The following MARCHF3 variants were observed in gnomAD, a reference collection of about 807,000 sequenced individuals.
MARCHF3 encodes E3 ubiquitin-protein ligase MARCHF3.
A neutral mutation model predicts 24.2 loss-of-function variants in MARCHF3; 13 were observed. The observed-to-expected ratio is 0.54, with a 90% CI of 0.35 to 0.85. The LOEUF is 0.85. Among genes scored for constraint, MARCHF3 ranks in the 40% least tolerant of loss-of-function variants. The pLI, the probability that MARCHF3 is intolerant of heterozygous loss-of-function variation, is 0.01. For missense variants in MARCHF3, 276 were observed against 325.0 expected (o/e 0.85, Z 1.16); for synonymous variants, 144 against 137.3 (o/e 1.05, Z -0.34).
rs556798236 is a variant in MARCHF3, at chr5:126,927,392, TGAACCTCTTTAGG to T, written c.-56-9178_-56-9166del. Among the ~76,000 whole-genome samples, 834 of 152,260 alleles carry T rather than the reference TGAACCTCTTTAGG, an allele frequency of 5.5e-3. 3 individuals are homozygous for T. Among genetic ancestry groups the T allele is most frequent in the Non-Finnish European group, 6.7e-3 (459 of 68,020 alleles). On this transcript the variant is annotated intron_variant, in intron 1 of 4. Transcript: ENST00000308660. ...TATGTACCTCAATGCAAAGCACTTATGAACCTCTTTAGGGAACCTCTTTAGGGAACCTCTTTAG... is the reference window on the plus strand; with the variant it reads ...TATGTACCTCAATGCAAAGCACTTATGAACCTCTTTAGGGAACCTCTTTAG...
At chr5:127,016,852 T>C (rs1752650577) in intron 1 of MARCHF3, among the ~76,000 whole-genome samples, 3 of 152,176 alleles carry the variant, frequency 2.0e-5, no homozygotes, top group African/African-American at 4.8e-5. Flanking sequence ...AGAAAGGCAC[T>C]ATTCACCAAC....
rs1416128301 is a variant in MARCHF3 at position 126,892,237 on chromosome 5, G to A, written c.394-13843C>T. On this transcript the variant is annotated intron_variant, in intron 3 of 4. Coordinates refer to ENST00000308660, the MANE Select transcript of MARCHF3 (RefSeq NM_178450.5). Reference sequence around the variant, plus strand: ...TATACAATCATGTCGTCTGCAAACAGGGACAATTTGACTTCCTCTTTTCCT... The same window carrying A: ...TATACAATCATGTCGTCTGCAAACAAGGACAATTTGACTTCCTCTTTTCCT... Among the ~76,000 whole-genome samples, 4 of 144,970 alleles carry A rather than the reference G, an allele frequency of 2.8e-5. No homozygotes were observed. In the Admixed American group the frequency reaches 2.8e-4, roughly 10 times the overall value.
Position 126,868,561 on chromosome 5 carries a change from A to G in MARCHF3, c.*2072T>C, listed in dbSNP as rs1752845994. The G allele has an allele frequency of 6.6e-6, 1 of 152,232 alleles. No individual in the cohort carries two copies. 9.4% of individuals were successfully genotyped at this position (152,232 alleles called of 1,614,324 possible). On this transcript the variant is annotated 3_prime_UTR_variant, in exon 5 of 5. Transcript: ENST00000308660. ...CTTTGATGATGTCATATCTCATCTCATGAACCAAGATGGCAGGAATTCTCT... is the reference window on the plus strand; with the variant it reads ...CTTTGATGATGTCATATCTCATCTCGTGAACCAAGATGGCAGGAATTCTCT...
intron 1 of MARCHF3, among the ~76,000 whole-genome samples, chr5:127,006,478 T>C (rs1214038990): frequency 6.6e-6 from 1 of 152,186 alleles, no homozygotes; most frequent in East Asian, 1.9e-4. Context: ...CAATGTTCTC[T>C]TTAAAATAGT....
At chr5:127,006,984 CTTCT>C (rs1752330572) in intron 1 of MARCHF3, among the ~76,000 whole-genome samples, 1 of 151,616 alleles carries the variant, frequency 6.6e-6, no homozygotes, top group African/African-American at 2.4e-5. Context: ...GAGAAAACTA[CTTCT>C]TTTTTTTTTT....
intron 1 of MARCHF3, among the ~76,000 whole-genome samples, chr5:126,987,934 C>T (rs1051341214): frequency 4.0e-5 from 6 of 149,768 alleles, no homozygotes; most frequent in South Asian, 2.2e-4. Context: ...GAAAAACTGC[C>T]TGGATATAGT....
intron 3 of MARCHF3, among the ~76,000 whole-genome samples, chr5:126,894,462 A>C (rs1440999463): frequency 6.7e-6 from 1 of 150,048 alleles, no homozygotes; most frequent in African/African-American, 2.5e-5. Context: ...TTCCTTCAGG[A>C]GCTCTTTTAG....
chr5:126,921,673 A>G (rs1749112484), intron 1 of MARCHF3, among the ~76,000 whole-genome samples: 1 of 152,238 alleles, frequency 6.6e-6, no homozygotes, highest in Non-Finnish European at 1.5e-5. Flanking sequence ...CTCTTGTGGT[A>G]AAGTACTTCC....
Position 127,018,301 on chromosome 5 carries a change from GT to G in MARCHF3, c.-57+12048del, listed in dbSNP as rs370183391. ...CAGGAGAATCGCTTGAACCCAGGAG[GT>G]GGAGGTTGCAGTGAGCCAAGATCAT... On this transcript the variant is annotated intron_variant, in intron 1 of 4. Transcript: ENST00000308660. 2.9e-4 allele frequency among the ~76,000 whole-genome samples: 44 copies of G among 152,212 alleles called. 1 individual carries two copies. The highest frequency in any genetic ancestry group is 1.0e-3 in the African/African-American group (42 of 41,514).
intron 1 of MARCHF3, among the ~76,000 whole-genome samples, chr5:126,931,915 A>C (rs1219131356): frequency 1.3e-5 from 2 of 152,188 alleles, no homozygotes; most frequent in Non-Finnish European, 2.9e-5. Flanking sequence ...TGAGCGTTGG[A>C]GTTAGATACC....
rs1396090952 is a variant in MARCHF3 at position 126,868,816 on chromosome 5, T to G, written c.*1817A>C. On this transcript the variant is annotated 3_prime_UTR_variant, in exon 5 of 5. Transcript: ENST00000308660. Reference sequence around the variant, plus strand: ...AAGTTGGACTCTTTGCTCTGGAAATTTAATGTGTGGCAGCTGCGTGCAGCC... The same window carrying G: ...AAGTTGGACTCTTTGCTCTGGAAATGTAATGTGTGGCAGCTGCGTGCAGCC... 1 of 152,224 alleles carries G rather than the reference T, an allele frequency of 6.6e-6. No homozygotes were observed. Among genetic ancestry groups the G allele is most frequent in the Non-Finnish European group, 1.5e-5 (1 of 68,064 alleles). The allele number at this position is 152,224 out of a possible 1,614,324, so 9.4% of individuals were successfully genotyped here.
chr5:126,874,784 G>C (rs1432063559), intron 4 of MARCHF3, among the ~76,000 whole-genome samples: 1 of 152,128 alleles, frequency 6.6e-6, no homozygotes, highest in African/African-American at 2.4e-5. Flanking sequence ...GGAGTGAATT[G>C]GTCATGGGGA....
intron 1 of MARCHF3, among the ~76,000 whole-genome samples, chr5:126,934,802 T>C (rs964051997): frequency 1.3e-5 from 2 of 152,076 alleles, no homozygotes; most frequent in South Asian, 4.1e-4. Flanking sequence ...ATTCAGGACA[T>C]GTTGAAAGTG....
chr5:126,873,027 T>G (rs1753026066), intron 4 of MARCHF3, among the ~76,000 whole-genome samples: 1 of 152,158 alleles, frequency 6.6e-6, no homozygotes, highest in Non-Finnish European at 1.5e-5. Flanking sequence ...ATATAAGAAG[T>G]CTGGAATCTG....
chr5:126,944,311 C>G (rs918172310), intron 1 of MARCHF3, among the ~76,000 whole-genome samples: 10 of 152,102 alleles, frequency 6.6e-5, no homozygotes, highest in Non-Finnish European at 1.5e-4. Flanking sequence ...TCAATGCTGG[C>G]TTTCATCTGG....
At chr5:126,973,387 A>C (rs1751081606) in intron 1 of MARCHF3, among the ~76,000 whole-genome samples, 1 of 152,204 alleles carries the variant, frequency 6.6e-6, no homozygotes, top group Admixed American at 6.5e-5. Flanking sequence ...TGGAGGTCCG[A>C]GCACAACGCA....
chr5:127,024,493 G>A (rs1752930609), intron 1 of MARCHF3, among the ~76,000 whole-genome samples: 2 of 152,222 alleles, frequency 1.3e-5, no homozygotes, highest in South Asian at 4.1e-4. Flanking sequence ...GGTCAAACGG[G>A]GACAGGGAAA....
At chr5:126,926,141 G>A (rs193264028) in intron 1 of MARCHF3, among the ~76,000 whole-genome samples, 2 of 152,162 alleles carry the variant, frequency 1.3e-5, no homozygotes, top group Non-Finnish European at 2.9e-5. Flanking sequence ...AAGCAAACCA[G>A]TATTAGCTAG....
intron 3 of MARCHF3, among the ~76,000 whole-genome samples, chr5:126,910,566 C>A (rs1298754846): frequency 6.6e-6 from 1 of 152,160 alleles, no homozygotes; most frequent in African/African-American, 2.4e-5. Flanking sequence ...TTATTAGTTC[C>A]CCAAATTAAC....
Sources: gnomAD v4.1 joint callset for allele counts (sites outside exome capture counted in the v4.1 genomes callset) on GRCh38, gnomAD v4.1.1 for gene constraint, MANE v1.5 for transcripts, NCBI Gene and HGNC (gene_info 2026-07-23, HGNC 2026-07-21) for gene names.